Variants in ZNF704 observed in about 807,000 individuals in gnomAD.
ZNF704 encodes the protein glucocorticoid induced gene 1.
ZNF704 carries 10 observed loss-of-function variants against 44.7 expected under a neutral mutation model. The observed-to-expected ratio is 0.22, with a 90% CI of 0.14 to 0.38. ZNF704 has a LOEUF of 0.38. ZNF704 is among the 10% of genes least tolerant of loss of function. The pLI is 1.00. For missense variants in ZNF704, 390 were observed against 545.5 expected (o/e 0.71, Z 2.84); for synonymous variants, 211 against 207.6 (o/e 1.02, Z -0.14).
chr8:80,682,702 C>T lies in ZNF704; in HGVS notation c.558+4524G>A, dbSNP rs146987597. On this transcript the variant is annotated intron_variant, in intron 4 of 8. Coordinates refer to ENST00000327835, the MANE Select transcript of ZNF704 (RefSeq NM_001033723.3). ...CCACACCTATGCTTCTCAAATTCCC[C>T]ATTCAGGCAGTTGCCAAACGGCGGT... Among the ~76,000 whole-genome samples, 701 of 152,320 alleles carry T rather than the reference C, an allele frequency of 4.6e-3. 4 individuals carry two copies. Among genetic ancestry groups the T allele is most frequent in the Non-Finnish European group, 8.4e-3 (572 of 68,024 alleles).
intron 2 of ZNF704, among the ~76,000 whole-genome samples, chr8:80,798,343 C>T (rs1807841972): frequency 1.3e-5 from 2 of 151,998 alleles, no homozygotes; most frequent in Admixed American, 6.5e-5. Context: ...GCAACCTCCG[C>T]CTCCCAGGTT....
intron 1 of ZNF704, among the ~76,000 whole-genome samples, chr8:80,826,001 A>G (rs1230327769): frequency 6.6e-6 from 1 of 152,212 alleles, no homozygotes; most frequent in East Asian, 1.9e-4. Context: ...ACACCCTAAC[A>G]TCACAATTAA....
intron 2 of ZNF704, among the ~76,000 whole-genome samples, chr8:80,809,194 A>C (rs1586043065): frequency 6.6e-6 from 1 of 152,140 alleles, no homozygotes; most frequent in Non-Finnish European, 1.5e-5. Flanking sequence ...AGGAGGCTGA[A>C]GCAGGAGAAT....
At chr8:80,818,999 CTT>C (rs1437467103) in intron 2 of ZNF704, among the ~76,000 whole-genome samples, 1 of 152,068 alleles carries the variant, frequency 6.6e-6, no homozygotes, top group Non-Finnish European at 1.5e-5. Context: ...TTAAAAGCAA[CTT>C]ATCTCACCAA....
chr8:80,678,891 CGGCAGGCAGCTGGGA>C (rs1239470312), intron 4 of ZNF704, among the ~76,000 whole-genome samples: 1 of 152,104 alleles, frequency 6.6e-6, no homozygotes, highest in Non-Finnish European at 1.5e-5. Flanking sequence ...TGAGAGGCAC[CGGCAGGCAGCTGGGA>C]GGCAGGAGAG....
At chr8:80,727,833 ATGG>A (rs1412831412) in intron 2 of ZNF704, among the ~76,000 whole-genome samples, 1 of 152,172 alleles carries the variant, frequency 6.6e-6, no homozygotes, top group East Asian at 1.9e-4. Flanking sequence ...TCCTGAGGAA[ATGG>A]CATTTTATTC....
chr8:80,645,673 A>C (rs1241926166), intron 7 of ZNF704, among the ~76,000 whole-genome samples: 2 of 152,164 alleles, frequency 1.3e-5, no homozygotes, highest in East Asian at 3.8e-4. Context: ...TTCCACCATG[A>C]GTAAAAGCTC....
Position 80,636,005 on chromosome 8 carries a change from A to G in ZNF704, c.*5361T>C, listed in dbSNP as rs1817658540. On this transcript the variant is annotated 3_prime_UTR_variant, in exon 9 of 9. Coordinates refer to ENST00000327835, the MANE Select transcript of ZNF704 (RefSeq NM_001033723.3). ...TTAAAAAATAAGCTACAATGTATAA[A>G]ACCAAGGTCATTTCTCACAAAATGT... The G allele has an allele frequency of 6.6e-6, 1 of 152,212 alleles. No individual in the cohort carries two copies. The highest frequency in any genetic ancestry group is 1.5e-5 in the Non-Finnish European group (1 of 68,036). 9.4% of individuals were successfully genotyped at this position (152,212 alleles called of 1,614,324 possible).
At chr8:80,831,898 T>G (rs940929564) in intron 1 of ZNF704, among the ~76,000 whole-genome samples, 1 of 152,202 alleles carries the variant, frequency 6.6e-6, no homozygotes, top group Non-Finnish European at 1.5e-5. Context: ...TTTAAAGAAC[T>G]TGCTTTCCGA....
At chr8:80,696,188 T>TA (rs951380752) in intron 2 of ZNF704, among the ~76,000 whole-genome samples, 1 of 152,180 alleles carries the variant, frequency 6.6e-6, no homozygotes, top group African/African-American at 2.4e-5. Context: ...GAGTTATTGA[T>TA]AAAAAACAAA....
intron 2 of ZNF704, among the ~76,000 whole-genome samples, chr8:80,802,620 C>G (rs1252753433): frequency 6.6e-6 from 1 of 152,054 alleles, no homozygotes; most frequent in Admixed American, 6.6e-5. Context: ...GCAGAAAAGG[C>G]CTTTGATAAA....
intron 2 of ZNF704, among the ~76,000 whole-genome samples, chr8:80,789,212 A>G (rs11991632): frequency 0.046 from 7,021 of 152,226 alleles, 578 homozygotes; most frequent in African/African-American, 0.16. Context: ...ACAGTTTTAA[A>G]GTGAGGAAAT....
intron 2 of ZNF704, among the ~76,000 whole-genome samples, chr8:80,748,245 T>C (rs751706834): frequency 2.6e-5 from 4 of 151,260 alleles, no homozygotes; most frequent in African/African-American, 7.4e-5. Flanking sequence ...AAATCATTGG[T>C]ATATCTAATA....
Position 80,635,850 on chromosome 8 carries a change from AC to A in ZNF704, c.*5515del, listed in dbSNP as rs2131582961. 1.3e-5 allele frequency: 2 copies of A among 152,232 alleles called. No individual in the cohort carries two copies. The highest frequency in any genetic ancestry group is 4.2e-4 in the South Asian group (2 of 4,816). The allele number at this position is 152,232 out of a possible 1,614,324, so 9.4% of individuals were successfully genotyped here. ...CCCATTCCATCTGATCTGTATTTCT[AC>A]CCTTGCTGCAGAGGGTTAATTAAAA... is the stretch of plus-strand genomic sequence containing the variant. On this transcript the variant is annotated 3_prime_UTR_variant, in exon 9 of 9. Coordinates refer to ENST00000327835, the MANE Select transcript of ZNF704 (RefSeq NM_001033723.3).
Position 80,821,258 on chromosome 8 carries a change from G to C in ZNF704, c.221+116C>G, listed in dbSNP as rs1052907770. The C allele has an allele frequency of 4.4e-6, 5 of 1,134,930 alleles. No individual in the cohort carries two copies. The Admixed American group carries it at 7.0e-5, about 16-fold the overall frequency. The allele number at this position is 1,134,930 out of a possible 1,614,324, so 70.3% of individuals were successfully genotyped here. On this transcript the variant is annotated intron_variant, in intron 2 of 8. Coordinates refer to ENST00000327835, the MANE Select transcript of ZNF704 (RefSeq NM_001033723.3). ...CACAAGCAATAGAAAAAATTTCTTG[G>C]CAGAAAACCTTTCATATGTCTATAT...
At chr8:80,761,793 G>C (rs1338420270) in intron 2 of ZNF704, among the ~76,000 whole-genome samples, 1 of 152,178 alleles carries the variant, frequency 6.6e-6, no homozygotes, top group Non-Finnish European at 1.5e-5. Context: ...TTCATAAATA[G>C]GTCAAAAGGC....
At chr8:80,794,360 A>G (rs1416072664) in intron 2 of ZNF704, among the ~76,000 whole-genome samples, 1 of 152,198 alleles carries the variant, frequency 6.6e-6, no homozygotes, top group South Asian at 2.1e-4. Flanking sequence ...TTTGATTTTA[A>G]TATCAATGAT....
intron 1 of ZNF704, among the ~76,000 whole-genome samples, chr8:80,873,388 C>G (rs1022605531): frequency 2.6e-5 from 4 of 151,050 alleles, no homozygotes; most frequent in African/African-American, 4.9e-5. Flanking sequence ...CGCGCTGCCC[C>G]GCGCGGCCGC....
At position 80,758,521 on chromosome 8, in the gene ZNF704, C is replaced by T. The variant is rs181605114; in HGVS notation, c.221+62853G>A. 4.9e-4 allele frequency among the ~76,000 whole-genome samples: 75 copies of T among 151,926 alleles called. 1 individual carries two copies. In the East Asian group the frequency reaches 0.013, roughly 26 times the overall value. On this transcript the variant is annotated intron_variant, in intron 2 of 8. Coordinates refer to ENST00000327835, the MANE Select transcript of ZNF704 (RefSeq NM_001033723.3). ...GTAGATCTGTTCTATAACTCAGTTT[C>T]AAATATTAGAAAAGAAAGCAAAATA...
Sources: allele counts gnomAD v4.1 joint callset (sites outside exome capture counted in the v4.1 genomes callset), GRCh38; gene constraint gnomAD v4.1.1; transcripts MANE v1.5; gene names NCBI Gene and HGNC (gene_info 2026-07-23, HGNC 2026-07-21).